BDKRB2: variants seen among roughly 807,000 people sequenced by gnomAD.
BDKRB2 encodes the protein B2 bradykinin receptor.
A neutral mutation model predicts 4.0 loss-of-function variants in BDKRB2; 6 were observed. The observed-to-expected ratio is 1.49, with a 90% CI of 0.81 to 2.93. The LOEUF (loss-of-function observed/expected upper bound fraction) is 2.93, where lower values mean the gene tolerates loss of function less well. Ranked by LOEUF, BDKRB2 falls within the 30% of genes most tolerant of loss-of-function variation. The pLI is 0.00. For synonymous variants in BDKRB2, 225 were observed against 215.3 expected, an observed-to-expected ratio of 1.05 and a Z score of -0.40; for missense variants, 478 against 520.1, an observed-to-expected ratio of 0.92 and a Z score of 0.79.
intron 1 of BDKRB2, among the ~76,000 whole-genome samples, chr14:96,212,852 A>G (rs533006113): frequency 3.3e-4 from 50 of 152,248 alleles, no homozygotes; most frequent in African/African-American, 1.2e-3. Flanking sequence ...GAAAGGTAGG[A>G]TAGCAGGAGT....
chr14:96,241,355 T>A lies in BDKRB2; in HGVS notation c.1027T>A (p.Ser343Thr). 5.0e-6 allele frequency: 8 copies of A among 1,613,912 alleles called. No homozygotes were observed. Among genetic ancestry groups the A allele is most frequent in the Non-Finnish European group, 5.9e-6 (7 of 1,179,960 alleles). The change falls in exon 3 of 3, where the codon TCT (serine) becomes ACT (threonine). Residue 343 changes from serine (S) to threonine (T), a missense_variant. Physicochemically the swap from Ser to Thr is moderately conservative, Grantham distance 58. Transcript: ENST00000554311. Reference protein sequence around the residue: ...VIVGKRFRKKSWEVYQGVCQK... With the variant: ...VIVGKRFRKKTWEVYQGVCQK... Reference sequence around the variant, plus strand: ...CGTGGGCAAGCGCTTCCGAAAGAAGTCTTGGGAGGTGTACCAGGGAGTGTG... The same window carrying A: ...CGTGGGCAAGCGCTTCCGAAAGAAGACTTGGGAGGTGTACCAGGGAGTGTG...
At chr14:96,216,082 A>G (rs1237946155) in intron 1 of BDKRB2, among the ~76,000 whole-genome samples, 1 of 152,228 alleles carries the variant, frequency 6.6e-6, no homozygotes, top group Non-Finnish European at 1.5e-5. Flanking sequence ...TCTGGCTCCA[A>G]AAATGAAATA....
intron 1 of BDKRB2, chr14:96,223,395 C>T: frequency 1.3e-6 from 1 of 761,030 alleles, no homozygotes; most frequent in East Asian, 2.5e-5. Flanking sequence ...GCTGTCCTTA[C>T]TTCCTAACAT....
At chr14:96,208,768 C>A (rs909708228) in intron 1 of BDKRB2, among the ~76,000 whole-genome samples, 1 of 152,220 alleles carries the variant, frequency 6.6e-6, no homozygotes, top group Non-Finnish European at 1.5e-5. Flanking sequence ...GTCCTTCTCA[C>A]GCTTCTCTTC....
chr14:96,234,737 A>G (rs1890893780), intron 1 of BDKRB2, among the ~76,000 whole-genome samples: 1 of 152,236 alleles, frequency 6.6e-6, no homozygotes, highest in African/African-American at 2.4e-5. Context: ...GCCACTAGCA[A>G]GCAATTAGGA....
chr14:96,230,696 C>T (rs1446010622), intron 1 of BDKRB2, among the ~76,000 whole-genome samples: 1 of 150,760 alleles, frequency 6.6e-6, no homozygotes, highest in African/African-American at 2.4e-5. Context: ...CAGCTCACTG[C>T]AACCTCTGCC....
chr14:96,239,810 C>T (rs1885224073), intron 2 of BDKRB2: 15 of 985,334 alleles, frequency 1.5e-5, no homozygotes, highest in African/African-American at 1.7e-5. Flanking sequence ...AGTCCCCACC[C>T]TCCCTCGCCA....
chr14:96,240,700 C>T lies in BDKRB2; in HGVS notation c.372C>T (p.Leu124=), dbSNP rs113530523. 32 of 1,601,536 alleles carry T rather than the reference C, an allele frequency of 2.0e-5. No individual in the cohort carries two copies. The African/African-American group carries it at 3.5e-4, about 17-fold the overall frequency. The part of the protein sequence containing the change: ...AITISNNFDW[L]FGETLCRVVN... ...CCATCTCCAACAACTTCGACTGGCTCTTTGGGGAGACGCTCTGCCGCGTGG... is the reference window on the plus strand; with the variant it reads ...CCATCTCCAACAACTTCGACTGGCTTTTTGGGGAGACGCTCTGCCGCGTGG... The change falls in exon 3 of 3, where the codon CTC becomes CTT. Residue 124 remains leucine (L), a synonymous_variant. Coordinates refer to ENST00000554311, the MANE Select transcript of BDKRB2 (RefSeq NM_001379692.1).
chr14:96,216,848 A>G (rs1420384085), intron 1 of BDKRB2, among the ~76,000 whole-genome samples: 2 of 151,832 alleles, frequency 1.3e-5, no homozygotes, highest in African/African-American at 4.8e-5. Context: ...CACTGTTTGG[A>G]AGATTATGGG....
At chr14:96,237,010 C>A (rs2069577) in intron 1 of BDKRB2, 59 bp from the exon 2 acceptor site, 349,265 of 972,200 alleles carry the variant, frequency 0.36, 63,921 homozygotes, top group East Asian at 0.46. Flanking sequence ...CTGGAGAATG[C>A]GTGTATTTTG....
Position 96,241,135 on chromosome 14 carries a change from G to A in BDKRB2, c.807G>A (p.Thr269=), listed in dbSNP as rs200697785. 3.1e-6 allele frequency: 5 copies of A among 1,612,604 alleles called. No homozygotes were observed. The highest frequency in any genetic ancestry group is 3.3e-5 in the Admixed American group (2 of 59,972). Residue 269 remains threonine, a synonymous_variant, in exon 3 of 3, where the codon ACG becomes ACA. Transcript: ENST00000554311. ...AGATCCAGACAGAGAGGAGGGCCAC[G>A]GTGCTAGTCCTGGTTGTGCTGCTGC... ...FKEIQTERRA[T]VLVLVVLLLF...
chr14:96,238,886 C>T (rs532787129), intron 2 of BDKRB2: 11 of 986,602 alleles, frequency 1.1e-5, no homozygotes, highest in East Asian at 1.1e-4. Flanking sequence ...GGGCAGGGGC[C>T]GGGTGGTGTC....
intron 1 of BDKRB2, among the ~76,000 whole-genome samples, chr14:96,206,683 G>A (rs1257910846): frequency 3.9e-5 from 6 of 152,186 alleles, no homozygotes; most frequent in Admixed American, 3.9e-4. Flanking sequence ...AAGTTTGGTG[G>A]CTCCAGAGGT....
At chr14:96,231,607 C>T (rs961367149) in intron 1 of BDKRB2, among the ~76,000 whole-genome samples, 3 of 152,188 alleles carry the variant, frequency 2.0e-5, no homozygotes, top group African/African-American at 7.2e-5. Context: ...AACATTTATT[C>T]TGGGGAGGTG....
chr14:96,235,771 G>A (rs923645815), intron 1 of BDKRB2, among the ~76,000 whole-genome samples: 2 of 151,968 alleles, frequency 1.3e-5, no homozygotes, highest in African/African-American at 4.8e-5. Context: ...TGGCAGATCC[G>A]TGGCTACATT....
chr14:96,209,865 G>T (rs1890265961), intron 1 of BDKRB2, among the ~76,000 whole-genome samples: 2 of 152,064 alleles, frequency 1.3e-5, no homozygotes, highest in Admixed American at 1.3e-4. Flanking sequence ...GCACGGTGGT[G>T]CATGCCTGTA....
At chr14:96,216,835 C>T (rs1001483443) in intron 1 of BDKRB2, among the ~76,000 whole-genome samples, 5 of 150,766 alleles carry the variant, frequency 3.3e-5, no homozygotes, top group African/African-American at 1.2e-4. Flanking sequence ...GGAGATCCTA[C>T]AGCACTGTTT....
intron 1 of BDKRB2, among the ~76,000 whole-genome samples, chr14:96,222,729 G>A (rs1890604708): frequency 6.6e-6 from 1 of 152,002 alleles, no homozygotes. Context: ...GGTATGCTAA[G>A]TGTAAATACA....
rs1221190620 is a variant in BDKRB2 at position 96,243,609 on chromosome 14, A to C, written c.*2105A>C. 1 of 152,330 alleles carries C rather than the reference A, an allele frequency of 6.6e-6. No homozygotes were observed. Among genetic ancestry groups the C allele is most frequent in the Admixed American group, 6.5e-5 (1 of 15,282 alleles). 9.4% of individuals were successfully genotyped at this position (152,330 alleles called of 1,614,324 possible). ...CTGGAGGGCTAGAACCTGGAGAATG[A>C]GAAAAATTTACATGGCAAAGAGCCC... is the stretch of plus-strand genomic sequence containing the variant. On this transcript the variant is annotated 3_prime_UTR_variant, in exon 3 of 3. Transcript: ENST00000554311.
Sources: allele counts gnomAD v4.1 joint callset (sites outside exome capture counted in the v4.1 genomes callset), GRCh38; gene constraint gnomAD v4.1.1; transcripts MANE v1.5; gene names NCBI Gene and HGNC (gene_info 2026-07-23, HGNC 2026-07-21).